The following NCKAP1 variants were observed in gnomAD, a reference collection of about 807,000 sequenced individuals.
The protein encoded by NCKAP1 is nck-associated protein 1.
NCKAP1 carries 21 observed loss-of-function variants against 151.2 expected under a neutral mutation model. That is an observed-to-expected ratio of 0.14 (90% CI 0.10 to 0.20). The LOEUF is 0.20. NCKAP1 is among the 10% of genes least tolerant of loss of function. The pLI is 1.00. For missense variants in NCKAP1, 933 were observed against 1,352.1 expected, an observed-to-expected ratio of 0.69 and a Z score of 4.86; for synonymous variants, 484 against 451.8, an observed-to-expected ratio of 1.07 and a Z score of -0.90.
chr2:182,933,445 G>T (rs1207912528), intron 26 of NCKAP1, among the ~76,000 whole-genome samples: 1 of 147,716 alleles, frequency 6.8e-6, no homozygotes, highest in African/African-American at 2.5e-5. Context: ...CCAGGCTGGA[G>T]TGCAGTGGCG....
chr2:182,983,878 C>G (rs1697992817), intron 10 of NCKAP1, among the ~76,000 whole-genome samples: 1 of 151,934 alleles, frequency 6.6e-6, no homozygotes, highest in South Asian at 2.1e-4. Flanking sequence ...ACTAAAAATA[C>G]AAAACATTAG....
chr2:182,989,248 A>G, intron 8 of NCKAP1, 62 bp from the exon 9 acceptor site: 2 of 1,390,258 alleles, frequency 1.4e-6, no homozygotes, highest in Non-Finnish European at 2.0e-6. Flanking sequence ...GTTTGGTGAC[A>G]GTGTAGCTTT....
rs1181719216 is a variant in NCKAP1 at position 182,919,674 on chromosome 2, CAG to C, written c.*6026_*6027del. ...ATTATAATTTTTTTTTTTTTTGAGA[CAG>C]AGTCTTGTTCTGTTGCCCAGGCTGG... On this transcript the variant is annotated 3_prime_UTR_variant, in exon 31 of 31. Transcript: ENST00000361354. 1.4e-5 allele frequency: 2 copies of C among 144,688 alleles called. No homozygotes were observed. Among genetic ancestry groups the C allele is most frequent in the East Asian group, 2.0e-4 (1 of 4,950 alleles). The allele number at this position is 144,688 out of a possible 1,614,324, so 9.0% of individuals were successfully genotyped here.
intron 8 of NCKAP1, 152 bp from the exon 9 acceptor site, chr2:182,989,338 G>T: frequency 1.9e-6 from 1 of 516,300 alleles, no homozygotes; most frequent in Non-Finnish European, 3.3e-6. Flanking sequence ...ATAAACCATG[G>T]TAATACGTTT....
At chr2:182,942,252 T>G (rs79263912) in intron 23 of NCKAP1, 89 bp from the exon 24 acceptor site, 6 of 933,868 alleles carry the variant, frequency 6.4e-6, no homozygotes, top group Non-Finnish European at 9.9e-6. Flanking sequence ...ATCTGGCAAG[T>G]AGGAAACACA....
intron 25 of NCKAP1, 121 bp downstream of exon 25, chr2:182,935,172 A>T: frequency 1.3e-6 from 1 of 747,282 alleles, no homozygotes; most frequent in Non-Finnish European, 2.1e-6. Flanking sequence ...TTCTGTAACT[A>T]CTAAAACTGG....
rs180791101 is a variant in NCKAP1, at chr2:182,984,252, G to A, written c.1005-870C>T. Among the ~76,000 whole-genome samples the A allele has an allele frequency of 5.9e-5, 9 of 152,036 alleles. No individual in the cohort carries two copies. In the East Asian group the frequency reaches 1.4e-3, roughly 23 times the overall value. On this transcript the variant is annotated intron_variant, in intron 10 of 30. Transcript: ENST00000361354. The stretch of plus-strand genomic sequence containing the variant: ...ACTCTTGTTCAAAAATAGAAAGATG[G>A]GGAAAGGAAGGGATAATCATAAATA...
In NCKAP1 at chr2:182,910,972, C is replaced by T. The variant is rs4255929; in HGVS notation, c.*14730G>A. 98,015 of 131,804 alleles carry T rather than the reference C, an allele frequency of 0.74. 40,558 individuals are homozygous for T. The highest frequency in any genetic ancestry group is 0.95 in the East Asian group (3,591 of 3,770). The allele number at this position is 131,804 out of a possible 1,614,324, so 8.2% of individuals were successfully genotyped here. A position where few individuals can be genotyped will look rare whatever the true frequency, so the allele number is the denominator to read the frequency against. On this transcript the variant is annotated 3_prime_UTR_variant, in exon 31 of 31. Transcript: ENST00000361354. ...AGCTCCCCCCCCACATTTGACTAAACAGACCCTCTCCTGGCCAAGAGGACT... is the reference window on the plus strand; with the variant it reads ...AGCTCCCCCCCCACATTTGACTAAATAGACCCTCTCCTGGCCAAGAGGACT...
intron 14 of NCKAP1, 132 bp from the exon 15 acceptor site, chr2:182,977,083 T>C: frequency 1.9e-6 from 1 of 513,196 alleles, no homozygotes; most frequent in Non-Finnish European, 3.3e-6. Context: ...AGCCAAGGTC[T>C]TAAAGAGATA....
intron 27 of NCKAP1, among the ~76,000 whole-genome samples, chr2:182,929,523 G>C (rs1219489615): frequency 6.6e-6 from 1 of 151,816 alleles, no homozygotes; most frequent in African/African-American, 2.4e-5. Context: ...AAGCTTTCAA[G>C]ACATAACCCT....
intron 2 of NCKAP1, among the ~76,000 whole-genome samples, chr2:183,015,245 T>C (rs547994061): frequency 6.6e-6 from 1 of 152,306 alleles, no homozygotes; most frequent in South Asian, 2.1e-4. Context: ...TAGATGTGTT[T>C]TGGGATCATA....
intron 1 of NCKAP1, among the ~76,000 whole-genome samples, chr2:183,028,714 C>T (rs1172742735): frequency 6.6e-6 from 1 of 152,102 alleles, no homozygotes; most frequent in Non-Finnish European, 1.5e-5. Context: ...GTGCCTGGCA[C>T]ATATGTAGTT....
intron 8 of NCKAP1, among the ~76,000 whole-genome samples, chr2:182,993,671 A>C (rs1051701588): frequency 1.3e-5 from 2 of 152,090 alleles, no homozygotes; most frequent in Non-Finnish European, 2.9e-5. Flanking sequence ...GGAGCTAAAC[A>C]CTGAGTATAC....
intron 19 of NCKAP1, 68 bp downstream of exon 19, chr2:182,957,389 G>A (rs1041616207): frequency 1.3e-6 from 2 of 1,492,194 alleles, no homozygotes; most frequent in African/African-American, 1.4e-5. Context: ...CAGTACTAAT[G>A]TCAATAGAAA....
chr2:182,986,421 A>AG (rs1405064942), intron 9 of NCKAP1, among the ~76,000 whole-genome samples, 194 bp from the exon 10 acceptor site: 3 of 152,284 alleles, frequency 2.0e-5, no homozygotes, highest in African/African-American at 7.2e-5. Context: ...TCCTAAAAAA[A>AG]AAAGTAACAT....
Position 182,917,629 on chromosome 2 carries a change from GCACGAACTTTAATATTAGA to G in NCKAP1, c.*8054_*8072del, listed in dbSNP as rs1310749073. ...ATCAATCACATTTAGAGAGCTCTTG[GCACGAACTTTAATATTAGA>G]CCAAGTGTTGTATGTTCCAGTGTAG... On this transcript the variant is annotated 3_prime_UTR_variant, in exon 31 of 31. Transcript: ENST00000361354. 6 of 152,120 alleles carry G rather than the reference GCACGAACTTTAATATTAGA, an allele frequency of 3.9e-5. No homozygotes were observed. Among genetic ancestry groups the G allele is most frequent in the Admixed American group, 3.9e-4 (6 of 15,268 alleles). 9.4% of individuals were successfully genotyped at this position (152,120 alleles called of 1,614,324 possible).
At chr2:183,018,286 G>A (rs1698733220) in intron 2 of NCKAP1, among the ~76,000 whole-genome samples, 3 of 152,036 alleles carry the variant, frequency 2.0e-5, no homozygotes, top group Non-Finnish European at 4.4e-5. Flanking sequence ...ACCTTAAGAT[G>A]TTAAATAATT....
At chr2:182,934,854 A>C in intron 25 of NCKAP1, 22 bp from the exon 26 acceptor site, 1 of 1,152,748 alleles carries the variant, frequency 8.7e-7, no homozygotes, top group Non-Finnish European at 1.2e-6. Context: ...AACAAATAAG[A>C]ATACAGAATT....
chr2:182,946,864 T>C (rs374561064), intron 23 of NCKAP1, among the ~76,000 whole-genome samples: 4 of 151,894 alleles, frequency 2.6e-5, no homozygotes, highest in African/African-American at 9.7e-5. Flanking sequence ...CAAGTTCTTA[T>C]AATGGAGATA....
Sources: gnomAD v4.1 joint callset for allele counts (sites outside exome capture counted in the v4.1 genomes callset) on GRCh38, gnomAD v4.1.1 for gene constraint, MANE v1.5 for transcripts, NCBI Gene and HGNC (gene_info 2026-07-23, HGNC 2026-07-21) for gene names.